RYR3: variants seen among roughly 807,000 people sequenced by gnomAD.
RYR3 encodes the protein ryanodine receptor 3.
Under a neutral mutation model 584.3 loss-of-function variants are expected in RYR3, and 207 were observed. The observed-to-expected ratio is 0.35, with a 90% CI of 0.32 to 0.40. The LOEUF is 0.40. Among genes scored for constraint, RYR3 ranks in the 10% least tolerant of loss-of-function variants. The pLI is 1.00. For synonymous variants in RYR3, 2,416 were observed against 2,248.5 expected (o/e 1.07, Z -2.11); for missense variants, 5,616 against 6,089.2 (o/e 0.92, Z 2.59).
intron 19 of RYR3, among the ~76,000 whole-genome samples, chr15:33,619,768 C>T (rs556056186): frequency 6.6e-6 from 1 of 152,292 alleles, no homozygotes; most frequent in Admixed American, 6.5e-5. Flanking sequence ...GATTGGCCAG[C>T]TCCTATTGCA....
At chr15:33,341,142 G>A (rs548850433) in intron 1 of RYR3, among the ~76,000 whole-genome samples, 1 of 152,210 alleles carries the variant, frequency 6.6e-6, no homozygotes, top group South Asian at 2.1e-4. Context: ...GGGTTCAAGT[G>A]ATTCTCCTGC....
intron 27 of RYR3, among the ~76,000 whole-genome samples, chr15:33,641,219 G>T (rs570855583): frequency 7.2e-5 from 11 of 152,326 alleles, no homozygotes; most frequent in African/African-American, 2.6e-4. Context: ...TTCAGTCCCC[G>T]TTGCTTGCTG....
intron 16 of RYR3, among the ~76,000 whole-genome samples, chr15:33,599,168 G>T (rs935231978): frequency 3.2e-5 from 4 of 124,650 alleles, no homozygotes; most frequent in Non-Finnish European, 5.1e-5. Flanking sequence ...TTGTCCTATT[G>T]GTTTAAGCCA....
Position 33,845,270 on chromosome 15 carries a change from T to C in RYR3, c.13497+208T>C, listed in dbSNP as rs577189025. Among the ~76,000 whole-genome samples the C allele has an allele frequency of 2.6e-5, 4 of 152,288 alleles. No individual in the cohort carries two copies. In the East Asian group the frequency reaches 5.8e-4, roughly 22 times the overall value. The stretch of plus-strand genomic sequence containing the variant: ...GGTTTTCTTCTGTTGTTGTTGTTTT[T>C]GAGATGGGTTTCGCTCTTGTCTCGC... On this transcript the variant is annotated intron_variant, in intron 93 of 103. Transcript: ENST00000634891.
chr15:33,763,121 G>A (rs901446190), intron 60 of RYR3, among the ~76,000 whole-genome samples: 1 of 152,164 alleles, frequency 6.6e-6, no homozygotes, highest in Non-Finnish European at 1.5e-5. Context: ...ATTAGCTCAA[G>A]ATGGATTAAA....
chr15:33,429,669 A>G (rs2044953505), intron 1 of RYR3, among the ~76,000 whole-genome samples: 1 of 152,196 alleles, frequency 6.6e-6, no homozygotes, highest in South Asian at 2.1e-4. Flanking sequence ...CCAAAACACT[A>G]TTTTGAGAAG....
At chr15:33,584,226 TAAAA>T (rs894084957) in intron 14 of RYR3, among the ~76,000 whole-genome samples, 165 bp from the exon 15 acceptor site, 1 of 151,718 alleles carries the variant, frequency 6.6e-6, no homozygotes, top group African/African-American at 2.4e-5. Flanking sequence ...GACTGTCACT[TAAAA>T]AAAGAAAAAA....
chr15:33,594,243 C>T (rs1468071330), intron 16 of RYR3, among the ~76,000 whole-genome samples: 3 of 152,164 alleles, frequency 2.0e-5, no homozygotes, highest in Non-Finnish European at 4.4e-5. Flanking sequence ...CAGTCAAAGC[C>T]TTGGTAAAAT....
At chr15:33,698,518 A>G (rs940075133) in intron 40 of RYR3, among the ~76,000 whole-genome samples, 1 of 152,220 alleles carries the variant, frequency 6.6e-6, no homozygotes, top group Admixed American at 6.5e-5. Flanking sequence ...GGGATAGGAC[A>G]CAACTGGACA....
chr15:33,431,837 ATTAC>A (rs2045181670), intron 1 of RYR3, among the ~76,000 whole-genome samples: 1 of 152,176 alleles, frequency 6.6e-6, no homozygotes, highest in Non-Finnish European at 1.5e-5. Flanking sequence ...GTGTTGATGT[ATTAC>A]TGATCTAATT....
At chr15:33,829,462 T>G (rs72715201) in intron 85 of RYR3, among the ~76,000 whole-genome samples, 1 of 152,116 alleles carries the variant, frequency 6.6e-6, no homozygotes, top group Non-Finnish European at 1.5e-5. Context: ...TTAAAAAACA[T>G]TGTGGGCCAG....
intron 19 of RYR3, among the ~76,000 whole-genome samples, chr15:33,614,775 T>A (rs1169726228): frequency 2.6e-5 from 4 of 152,178 alleles, no homozygotes; most frequent in Non-Finnish European, 5.9e-5. Flanking sequence ...TTCTGATTTA[T>A]ACTTTAACAC....
chr15:33,388,630 GCTA>G, intron 1 of RYR3, among the ~76,000 whole-genome samples: 1 of 152,292 alleles, frequency 6.6e-6, no homozygotes, highest in East Asian at 1.9e-4. Context: ...AGGAAATAGA[GCTA>G]CGCTATACCA....
chr15:33,382,684 C>T (rs2041289800), intron 1 of RYR3, among the ~76,000 whole-genome samples: 1 of 152,112 alleles, frequency 6.6e-6, no homozygotes, highest in African/African-American at 2.4e-5. Context: ...TGTGTACATT[C>T]ATATGACGTA....
rs753165883 is a variant in RYR3 at position 33,756,344 on chromosome 15, C to T, written c.8554C>T (p.Arg2852Cys). Residue 2852 changes from arginine to cysteine, a missense_variant, in exon 59 of 104, where the codon CGT becomes TGT. This residue lies in a region of RYR3 where 1,280 missense variants were observed against 1,426.2 expected (regional missense o/e 0.90). Coordinates refer to ENST00000634891, the MANE Select transcript of RYR3 (RefSeq NM_001036.6). ...CAGTGGGAAAACTGAAAAGTCTCCC[C>T]GTGACCAGGAGATCAAATTCTTTGC... ...VSSGKTEKSP[R>C]DQEIKFFAKV... 2.5e-5 allele frequency: 40 copies of T among 1,580,098 alleles called. No homozygotes were observed. The highest frequency in any genetic ancestry group is 3.3e-4 in the Middle Eastern group (2 of 6,026).
chr15:33,612,188 A>G (rs960500596), intron 18 of RYR3, among the ~76,000 whole-genome samples: 4 of 152,364 alleles, frequency 2.6e-5, no homozygotes, highest in African/African-American at 7.2e-5. Context: ...ATAGGAAAGC[A>G]GAGAGGTGAT....
At chr15:33,795,543 C>A (rs893141742) in intron 67 of RYR3, among the ~76,000 whole-genome samples, 2 of 151,776 alleles carry the variant, frequency 1.3e-5, no homozygotes, top group African/African-American at 4.8e-5. Context: ...TACACACATG[C>A]GCCACTACGC....
intron 36 of RYR3, among the ~76,000 whole-genome samples, chr15:33,664,587 G>GTATATATATATATATATA (rs879709155): frequency 4.7e-5 from 2 of 42,634 alleles, no homozygotes; most frequent in African/African-American, 1.5e-4. Context: ...GTGTGTGTGT[G>GTATATATATATATATATA]TGTATATATA....
chr15:33,534,117 TG>T (rs1226728884), intron 5 of RYR3, among the ~76,000 whole-genome samples: 1 of 152,138 alleles, frequency 6.6e-6, no homozygotes, highest in East Asian at 1.9e-4. Context: ...GTAGTAAAAA[TG>T]GGCCGGGCAC....
Sources: gnomAD v4.1 joint callset for allele counts (sites outside exome capture counted in the v4.1 genomes callset) on GRCh38, gnomAD v4.1.1 for gene constraint, gnomAD v4.1.1 regional missense constraint, MANE v1.5 for transcripts, NCBI Gene and HGNC (gene_info 2026-07-23, HGNC 2026-07-21) for gene names.